The following POLE variants were observed in gnomAD, a reference collection of about 807,000 sequenced individuals.
POLE encodes the protein DNA polymerase epsilon, catalytic subunit, also known as DNA polymerase epsilon catalytic subunit A.
POLE carries 188 observed loss-of-function variants against 279.2 expected under a neutral mutation model. The ratio of observed to expected loss-of-function variants is 0.67; its 90% confidence interval spans 0.60 to 0.76. POLE has a LOEUF of 0.76. POLE is among the 30% of genes least tolerant of loss of function. The pLI is 0.00. For missense variants in POLE, 2,703 were observed against 3,016.7 expected, an observed-to-expected ratio of 0.90 and a Z score of 2.44; for synonymous variants, 1,214 against 1,172.5, an observed-to-expected ratio of 1.04 and a Z score of -0.72.
At chr12:132,655,007 A>G (rs1357769198) in intron 29 of POLE, among the ~76,000 whole-genome samples, 1 of 152,144 alleles carries the variant, frequency 6.6e-6, no homozygotes, top group Non-Finnish European at 1.5e-5. Context: ...GGCTCAAGCA[A>G]TCCTCCTGCC....
intron 32 of POLE, among the ~76,000 whole-genome samples, chr12:132,647,363 G>A (rs1250078750): frequency 1.3e-5 from 2 of 150,640 alleles, no homozygotes; most frequent in African/African-American, 4.9e-5. Flanking sequence ...AAAAAGAGAG[G>A]AAAAATGAAA....
Position 132,658,000 on chromosome 12 carries a change from G to A in POLE, c.3276-30C>T, listed in dbSNP as rs773248517. ...GTAAGGAAGACAGGCACACAGCTCA[G>A]TAACAGTGAAAATCACCCAAAATCT... On this transcript the variant is annotated intron_variant, in intron 26 of 48. Coordinates refer to ENST00000320574, the MANE Select transcript of POLE (RefSeq NM_006231.4). The A allele has an allele frequency of 1.4e-5, 20 of 1,420,074 alleles. 1 individual carries two copies. Among genetic ancestry groups the A allele is most frequent in the Admixed American group, 1.2e-4 (7 of 59,220 alleles). 88.0% of individuals were successfully genotyped at this position (1,420,074 alleles called of 1,614,324 possible). A position where few individuals can be genotyped will look rare whatever the true frequency, so the allele number is the denominator to read the frequency against.
rs5744834 is a variant in POLE at position 132,664,381 on chromosome 12, G to A, written c.2550C>T (p.Ile850=). 4,284 of 1,613,584 alleles carry A rather than the reference G, an allele frequency of 2.7e-3. 107 individuals carry two copies. The African/African-American group carries it at 0.047, about 18-fold the overall frequency. Residue 850 remains isoleucine (I), a synonymous_variant, in exon 22 of 49, where the codon ATC becomes ATT. Transcript: ENST00000320574. The surrounding 1 kb of genome is among the most constrained non-coding windows in gnomAD (Gnocchi z 5.3). ...ANIITQAREL[I]EQIGRPLELD... is the part of the protein sequence containing the mutation. ...CCTTCTGCACTCACCCAATCTGCTC[G>A]ATCAGCTCCCGTGCCTGGGTGATGA...
At chr12:132,653,729 G>A (rs887677147) in intron 29 of POLE, among the ~76,000 whole-genome samples, 1 of 152,164 alleles carries the variant, frequency 6.6e-6, no homozygotes. Context: ...TGGTTAACAG[G>A]CATCCATTTC....
At chr12:132,685,537 T>C (rs2043240552) in intron 1 of POLE, among the ~76,000 whole-genome samples, 1 of 152,234 alleles carries the variant, frequency 6.6e-6, no homozygotes, top group Non-Finnish European at 1.5e-5. Flanking sequence ...GTAACCCACA[T>C]AAAGCATGTA....
chr12:132,680,315 C>G (rs1243206380), intron 3 of POLE, 93 bp from the exon 4 acceptor site: 11 of 1,196,938 alleles, frequency 9.2e-6, no homozygotes, highest in Non-Finnish European at 1.4e-5. Flanking sequence ...ATCCCATGAA[C>G]AGCCTAGGGC....
At position 132,625,716 on chromosome 12, in the gene POLE, A is replaced by C. The variant is rs1249704454; in HGVS notation, c.6586T>G (p.Ser2196Ala). 3 of 1,613,478 alleles carry C rather than the reference A, an allele frequency of 1.9e-6. No individual in the cohort carries two copies. The highest frequency in any genetic ancestry group is 1.7e-5 in the Admixed American group (1 of 60,024). ...LCSNCQAPYD[S>A]SAIEMTLVEV... ...ACCAGCGTCATCTCGATGGCAGAGGAGTCGTAGGGCGCCTGACAGTTGGAG... is the reference window on the plus strand; with the variant it reads ...ACCAGCGTCATCTCGATGGCAGAGGCGTCGTAGGGCGCCTGACAGTTGGAG... The change falls in exon 47 of 49, where the codon TCC becomes GCC. Residue 2196 changes from serine (S) to alanine (A), a missense_variant. By Grantham distance (99) the Ser-to-Ala change is moderately conservative. Transcript: ENST00000320574.
rs2041835423 is a variant in POLE, at chr12:132,626,201, G to C, written c.6447C>G (p.Arg2149=). The part of the protein sequence containing the change: ...SEEAQFRDPC[R]SYVLPEVICR... ...AGATGACCTCAGGAAGCACGTAGGA[G>C]CGGCAGGGGTCTCGGAACTGGGCCT... Residue 2149 remains arginine, a synonymous_variant, in exon 46 of 49, where the codon CGC becomes CGG. Coordinates refer to ENST00000320574, the MANE Select transcript of POLE (RefSeq NM_006231.4). 1.9e-6 allele frequency: 3 copies of C among 1,613,606 alleles called. No homozygotes were observed. Among genetic ancestry groups the C allele is most frequent in the African/African-American group, 1.3e-5 (1 of 74,930 alleles).
intron 26 of POLE, among the ~76,000 whole-genome samples, chr12:132,659,046 T>C (rs1235347300): frequency 6.6e-6 from 1 of 152,210 alleles, no homozygotes; most frequent in Non-Finnish European, 1.5e-5. Flanking sequence ...CCCTTTGAAC[T>C]CTGGTATAGT....
chr12:132,676,308 G>A, intron 9 of POLE, 104 bp from the exon 10 acceptor site: 2 of 812,432 alleles, frequency 2.5e-6, no homozygotes, highest in Admixed American at 2.3e-5. Flanking sequence ...TCACTACAAA[G>A]AAGTCCACAG....
chr12:132,668,356 C>A lies in POLE; in HGVS notation c.2173G>T (p.Asp725Tyr), dbSNP rs760942391. 1.7e-5 allele frequency: 27 copies of A among 1,566,926 alleles called. No homozygotes were observed. The highest frequency in any genetic ancestry group is 2.3e-5 in the Non-Finnish European group (27 of 1,154,972). Reference sequence around the variant, plus strand: ...GCCGTGACCATGCCCAGGCACTCACCCGCCAGCCTTCTCTTCTCGTATTTC... The same window carrying A: ...GCCGTGACCATGCCCAGGCACTCACACGCCAGCCTTCTCTTCTCGTATTTC... ...QAKYEKRRLA[D>Y]YCRKAYKKIH... Residue 725 changes from aspartate to tyrosine, a missense_variant and splice_region_variant, in exon 19 of 49, where the codon GAT (aspartate) becomes TAT (tyrosine). By Grantham distance (160) the Asp-to-Tyr change is radical (BLOSUM62 -3). Coordinates refer to ENST00000320574, the MANE Select transcript of POLE (RefSeq NM_006231.4). The surrounding 1 kb of genome is among the most constrained non-coding windows in gnomAD (Gnocchi z 4.0).
chr12:132,657,689 C>G (rs2042576400), intron 27 of POLE, among the ~76,000 whole-genome samples, 179 bp downstream of exon 27: 1 of 152,222 alleles, frequency 6.6e-6, no homozygotes, highest in Admixed American at 6.5e-5. Flanking sequence ...GGGCCCCAGG[C>G]ACTTCATGTT....
Position 132,675,943 on chromosome 12 carries a change from G to A in POLE, c.1021-123C>T, listed in dbSNP as rs1025411278. On this transcript the variant is annotated intron_variant, in intron 10 of 48. Coordinates refer to ENST00000320574, the MANE Select transcript of POLE (RefSeq NM_006231.4). The surrounding 1 kb of genome is among the most constrained non-coding windows in gnomAD (Gnocchi z 4.3). ...GCCCTTATTCCTGCCCCGCCCCTCC[G>A]CCCGTCTCTGGCAGAAAAGACGGTC... The A allele has an allele frequency of 2.2e-5, 21 of 945,508 alleles. No individual in the cohort carries two copies. The highest frequency in any genetic ancestry group is 5.7e-5 in the South Asian group (4 of 70,250). The allele number at this position is 945,508 out of a possible 1,614,324, so 58.6% of individuals were successfully genotyped here.
Position 132,661,281 on chromosome 12 carries a change from G to A in POLE, c.2865-117C>T, listed in dbSNP as rs1344783070. The A allele has an allele frequency of 1.6e-5, 17 of 1,070,388 alleles. No homozygotes were observed. The Admixed American group carries it at 1.9e-4, about 12-fold the overall frequency. The allele number at this position is 1,070,388 out of a possible 1,614,324, so 66.3% of individuals were successfully genotyped here. On this transcript the variant is annotated intron_variant, in intron 24 of 48. Coordinates refer to ENST00000320574, the MANE Select transcript of POLE (RefSeq NM_006231.4). The surrounding 1 kb of genome is among the most constrained non-coding windows in gnomAD (Gnocchi z 4.1). ...TTCCAACCCTCCACCTGTCATCCACGAGGCAGCAAACGTCTCTCTCCCTTA... is the reference window on the plus strand; with the variant it reads ...TTCCAACCCTCCACCTGTCATCCACAAGGCAGCAAACGTCTCTCTCCCTTA...
At chr12:132,653,395 A>AT (rs1202242121) in intron 29 of POLE, among the ~76,000 whole-genome samples, 1 of 152,036 alleles carries the variant, frequency 6.6e-6, no homozygotes, top group Non-Finnish European at 1.5e-5. Context: ...AAGTTGTGTA[A>AT]TTTTTTCTGT....
chr12:132,645,568 A>G (rs2042263598), intron 32 of POLE, among the ~76,000 whole-genome samples: 1 of 152,224 alleles, frequency 6.6e-6, no homozygotes, highest in Non-Finnish European at 1.5e-5. Context: ...GAGCTTGGGC[A>G]CTGGAATTAA....
At chr12:132,632,177 G>T in intron 45 of POLE, 138 bp downstream of exon 45, 1 of 679,254 alleles carries the variant, frequency 1.5e-6, no homozygotes, top group South Asian at 1.8e-5. Context: ...GCACAGGTAT[G>T]TCGGTGTCCT....
At chr12:132,662,019 T>C (rs1210438340) in intron 23 of POLE, among the ~76,000 whole-genome samples, 1 of 152,072 alleles carries the variant, frequency 6.6e-6, no homozygotes, top group African/African-American at 2.4e-5. Flanking sequence ...GACAAAGGGG[T>C]TGCAGCTGTT....
chr12:132,635,750 C>T, intron 42 of POLE, 142 bp downstream of exon 42: 1 of 785,396 alleles, frequency 1.3e-6, no homozygotes, highest in East Asian at 2.6e-5. Context: ...ATGGTCCCTC[C>T]CCGTGTTCAT....
Sources: gnomAD v4.1 joint callset for allele counts (sites outside exome capture counted in the v4.1 genomes callset) on GRCh38, gnomAD v4.1.1 for gene constraint, Gnocchi (gnomAD v3.1) non-coding constraint, MANE v1.5 for transcripts, NCBI Gene and HGNC (gene_info 2026-07-23, HGNC 2026-07-21) for gene names.